AFF4: variants seen among roughly 807,000 people sequenced by gnomAD.
The protein encoded by AFF4 is AF4/FMR2 family member 4.
In AFF4, 13 loss-of-function variants were observed where a neutral mutation model predicts 124.8. That is an observed-to-expected ratio of 0.10 (90% CI 0.07 to 0.17). The LOEUF is 0.17. Among genes scored for constraint, AFF4 ranks in the 10% least tolerant of loss-of-function variants. The pLI, the probability that AFF4 is intolerant of heterozygous loss-of-function variation, is 1.00. For missense variants in AFF4, 1,092 were observed against 1,403.8 expected (o/e 0.78, Z 3.55); for synonymous variants, 477 against 496.1 (o/e 0.96, Z 0.51).
At chr5:132,947,646 C>T (rs1229928074) in intron 1 of AFF4, among the ~76,000 whole-genome samples, 1 of 152,178 alleles carries the variant, frequency 6.6e-6, no homozygotes, top group Non-Finnish European at 1.5e-5. Flanking sequence ...TATATTACAA[C>T]TGCTATTAAA....
chr5:132,892,891 T>C lies in AFF4; in HGVS notation c.2396+139A>G, dbSNP rs145926054. The C allele has an allele frequency of 4.3e-5, 31 of 725,776 alleles. 1 individual carries two copies. The highest frequency in any genetic ancestry group is 3.2e-4 in the African/African-American group (18 of 56,408). The allele number at this position is 725,776 out of a possible 1,614,324, so 45.0% of individuals were successfully genotyped here. A position where few individuals can be genotyped will look rare whatever the true frequency, so the allele number is the denominator to read the frequency against. The stretch of plus-strand genomic sequence containing the variant: ...TAGCTAAAAGTGAAAGCTCCCACTA[T>C]TTGGCATATGTTATGTGTATGCATT... On this transcript the variant is annotated intron_variant, in intron 12 of 20. Transcript: ENST00000265343.
chr5:132,892,468 A>G (rs1760288161), intron 12 of AFF4, 64 bp from the exon 13 acceptor site: 1 of 1,530,490 alleles, frequency 6.5e-7, no homozygotes, highest in Admixed American at 2.1e-5. Flanking sequence ...TGATTTTTCC[A>G]TTTCTCTTTG....
At position 132,880,834 on chromosome 5, in the gene AFF4, T is replaced by C. The variant is rs1394502120; in HGVS notation, c.*225A>G. On this transcript the variant is annotated 3_prime_UTR_variant, in exon 21 of 21. Transcript: ENST00000265343. ...TAGCTCACGGAAACCATCTTATCAA[T>C]GTGCTGCAGATTTAAAAGCATTTAA... The C allele has an allele frequency of 1.3e-5, 5 of 393,960 alleles. No homozygotes were observed. The highest frequency in any genetic ancestry group is 8.9e-5 in the Admixed American group (2 of 22,532). 24.4% of individuals were successfully genotyped at this position (393,960 alleles called of 1,614,324 possible). A position where few individuals can be genotyped will look rare whatever the true frequency, so the allele number is the denominator to read the frequency against.
chr5:132,881,223 T>C (rs761206409), intron 20 of AFF4, 37 bp from the exon 21 acceptor site: 2 of 1,599,890 alleles, frequency 1.3e-6, no homozygotes, highest in Non-Finnish European at 1.7e-6. Context: ...TGATATATAC[T>C]CTTTTGAATC....
Position 132,896,655 on chromosome 5 carries a change from G to A in AFF4, c.1975C>T (p.Leu659Phe), listed in dbSNP as rs772962003. ...TTAGGAGTTTGTGAGGAAGGAGGAA[G>A]GCTCTCACTTTCATCTGAATCTGAG... ...SSSDSDESES[L>F]PPSSQTPKYP... Residue 659 changes from leucine (L) to phenylalanine (F), a missense_variant, in exon 11 of 21, where the codon CTT becomes TTT. Coordinates refer to ENST00000265343, the MANE Select transcript of AFF4 (RefSeq NM_014423.4). The A allele has an allele frequency of 1.2e-6, 2 of 1,614,026 alleles. No individual in the cohort carries two copies. The highest frequency in any genetic ancestry group is 1.7e-6 in the Non-Finnish European group (2 of 1,179,968).
At chr5:132,927,448 A>T (rs1336918501) in intron 4 of AFF4, 1 of 393,946 alleles carries the variant, frequency 2.5e-6, no homozygotes, top group African/African-American at 2.1e-5. Context: ...ACCTGTGAAT[A>T]GTTACAGAAA....
intron 7 of AFF4, chr5:132,901,026 AAAGT>A: frequency 5.1e-6 from 5 of 985,444 alleles, no homozygotes; most frequent in Non-Finnish European, 6.0e-6. Context: ...ACCTTGAAAT[AAAGT>A]AACCAGATGA....
intron 5 of AFF4, among the ~76,000 whole-genome samples, chr5:132,918,787 TA>T (rs911719137): frequency 6.6e-5 from 10 of 152,150 alleles, no homozygotes; most frequent in African/African-American, 2.4e-4. Context: ...TCAATATTGC[TA>T]AGACGTCAAT....
rs913125213 is a variant in AFF4, at chr5:132,892,912, G to A, written c.2396+118C>T. The stretch of plus-strand genomic sequence containing the variant: ...ACTATTTGGCATATGTTATGTGTAT[G>A]CATTTATATAACACTTGCTTACTAA... On this transcript the variant is annotated intron_variant, in intron 12 of 20. Transcript: ENST00000265343. The A allele has an allele frequency of 2.6e-5, 23 of 897,526 alleles. No individual in the cohort carries two copies. The African/African-American group carries it at 3.8e-4, about 15-fold the overall frequency. 55.6% of individuals were successfully genotyped at this position (897,526 alleles called of 1,614,324 possible). A position where few individuals can be genotyped will look rare whatever the true frequency, so the allele number is the denominator to read the frequency against.
Position 132,881,012 on chromosome 5 carries a change from G to T in AFF4, c.*47C>A. 1.9e-6 allele frequency: 3 copies of T among 1,585,738 alleles called. No homozygotes were observed. The South Asian group carries it at 3.5e-5, about 18-fold the overall frequency. ...TTATGGCAGTTTTCCTTCGTGATGT[G>T]ACACAGTGTTGTGGAGAAAATCAGA... On this transcript the variant is annotated 3_prime_UTR_variant, in exon 21 of 21. Coordinates refer to ENST00000265343, the MANE Select transcript of AFF4 (RefSeq NM_014423.4).
rs1052887072 is a variant in AFF4, at chr5:132,892,199, C to T, written c.2602G>A (p.Glu868Lys). 3 of 1,613,988 alleles carry T rather than the reference C, an allele frequency of 1.9e-6. No individual in the cohort carries two copies. The highest frequency in any genetic ancestry group is 2.2e-5 in the South Asian group (2 of 91,084). The change falls in exon 13 of 21, where the codon GAA (glutamate) becomes AAA (lysine). Residue 868 changes from glutamate to lysine, a missense_variant. Around this residue, in one of 11 missense-constraint regions of AFF4, gnomAD observed 293 missense variants for 280.2 expected, o/e 1.05. Transcript: ENST00000265343. ...TTGGAGCTACTGGAAGTCTTCCCTT[C>T]GGTCTTCTTCTGCTTTGATGTGGAG... is the stretch of plus-strand genomic sequence containing the variant. ...SSSTSKQKKT[E>K]GKTSSSSKEV...
At chr5:132,905,951 T>C (rs1342494379) in intron 5 of AFF4, among the ~76,000 whole-genome samples, 1 of 152,032 alleles carries the variant, frequency 6.6e-6, no homozygotes, top group Non-Finnish European at 1.5e-5. Flanking sequence ...GACAAGCCAA[T>C]TAAAAAACAG....
chr5:132,937,820 TGATA>T (rs1211571013), intron 1 of AFF4: 1 of 152,222 alleles, frequency 6.6e-6, no homozygotes. Context: ...AGGTTTTCAG[TGATA>T]GAATCAAAAA....
intron 14 of AFF4, 137 bp from the exon 15 acceptor site, chr5:132,888,297 T>G (rs1008121612): frequency 3.0e-6 from 2 of 677,024 alleles, no homozygotes; most frequent in Non-Finnish European, 4.8e-6. Flanking sequence ...GTTTCAGTAT[T>G]TTCTGACAAA....
At chr5:132,894,353 T>C (rs1257525387) in intron 11 of AFF4, among the ~76,000 whole-genome samples, 1 of 152,222 alleles carries the variant, frequency 6.6e-6, no homozygotes, top group East Asian at 1.9e-4. Context: ...TCCATACTTT[T>C]GATCATAGCA....
intron 5 of AFF4, among the ~76,000 whole-genome samples, chr5:132,924,299 C>T (rs1052772697): frequency 2.0e-5 from 3 of 151,988 alleles, no homozygotes; most frequent in African/African-American, 7.2e-5. Flanking sequence ...TAATCAAGAA[C>T]ATGGAAGAAT....
chr5:132,934,327 G>A lies in AFF4; in HGVS notation c.738C>T (p.Ser246=), dbSNP rs1207781162. The change falls in exon 3 of 21, where the codon TCC becomes TCT. Residue 246 remains serine, a synonymous_variant. Coordinates refer to ENST00000265343, the MANE Select transcript of AFF4 (RefSeq NM_014423.4). ...CAGTGGGTTTCTGTAACATTGAATT[G>A]GACTTTGACATCAATGAGGGTGGGA... ...QSFPPSLMSK[S]NSMLQKPTAY... is the part of the protein sequence containing the mutation. 1 of 1,613,984 alleles carries A rather than the reference G, an allele frequency of 6.2e-7. No individual in the cohort carries two copies. The highest frequency in any genetic ancestry group is 8.5e-7 in the Non-Finnish European group (1 of 1,180,022).
In AFF4 at chr5:132,957,240, C is replaced by T. The variant is rs747847619; in HGVS notation, c.-5+6019G>A. Among the ~76,000 whole-genome samples the T allele has an allele frequency of 6.4e-4, 97 of 150,840 alleles. 1 individual carries two copies. The highest frequency in any genetic ancestry group is 3.6e-3 in the South Asian group (17 of 4,746). ...CCTGTAGTCCTAGCTACTTGGAAGG[C>T]TGAGGCAGGAGGATCACATGTGTGC... is the stretch of plus-strand genomic sequence containing the variant. On this transcript the variant is annotated intron_variant, in intron 1 of 20. Coordinates refer to ENST00000265343, the MANE Select transcript of AFF4 (RefSeq NM_014423.4).
At chr5:132,958,849 C>T (rs915493988) in intron 1 of AFF4, among the ~76,000 whole-genome samples, 1 of 152,162 alleles carries the variant, frequency 6.6e-6, no homozygotes, top group Admixed American at 6.6e-5. Context: ...GCAGCCCTGT[C>T]CCCGAACAGA....
Sources: allele counts gnomAD v4.1 joint callset (sites outside exome capture counted in the v4.1 genomes callset), GRCh38; gene constraint gnomAD v4.1.1; regional missense constraint gnomAD v4.1.1; transcripts MANE v1.5; gene names NCBI Gene and HGNC (gene_info 2026-07-23, HGNC 2026-07-21).